Variants in PTPRG observed in about 807,000 individuals in gnomAD.
PTPRG encodes the protein protein tyrosine phosphatase receptor type G.
In PTPRG, 102 loss-of-function variants were observed where a neutral mutation model predicts 165.3. That is an observed-to-expected ratio of 0.62 (90% CI 0.53 to 0.73). PTPRG has a LOEUF of 0.73. PTPRG is among the 30% of genes least tolerant of loss of function. The probability of loss-of-function intolerance (pLI) is 0.00; values close to 1 mark genes in which losing one functional copy is unlikely to be tolerated. For synonymous variants in PTPRG, 675 were observed against 669.5 expected (o/e 1.01, Z -0.13); for missense variants, 1,866 against 1,861.4 (o/e 1.00, Z -0.05).
chr3:61,711,018 A>G (rs1023388816), intron 1 of PTPRG, among the ~76,000 whole-genome samples: 10 of 151,664 alleles, frequency 6.6e-5, no homozygotes, highest in Non-Finnish European at 1.2e-4. Flanking sequence ...CAGAACATGC[A>G]GTGTTTGGTT....
chr3:62,142,447 A>G (rs1264678176), intron 6 of PTPRG, among the ~76,000 whole-genome samples: 6 of 151,992 alleles, frequency 3.9e-5, no homozygotes. Context: ...CTTCAGGATC[A>G]TTTTTCAACA....
At chr3:61,923,627 G>A (rs950738951) in intron 2 of PTPRG, among the ~76,000 whole-genome samples, 8 of 136,448 alleles carry the variant, frequency 5.9e-5, no homozygotes, top group Admixed American at 2.5e-4. Context: ...TCATTGTTCA[G>A]TTCCCACCTA....
chr3:61,563,923 C>G (rs1292979735), intron 1 of PTPRG, among the ~76,000 whole-genome samples: 1 of 152,164 alleles, frequency 6.6e-6, no homozygotes, highest in Admixed American at 6.5e-5. Context: ...TCTCTCTGCG[C>G]ATCCTCCTGC....
chr3:62,072,894 T>G (rs966376028), intron 4 of PTPRG, among the ~76,000 whole-genome samples: 3 of 152,246 alleles, frequency 2.0e-5, no homozygotes, highest in East Asian at 3.9e-4. Flanking sequence ...AACCAGGACT[T>G]AAATGGCCAA....
At chr3:62,118,080 G>A (rs1175068928) in intron 5 of PTPRG, among the ~76,000 whole-genome samples, 1 of 152,180 alleles carries the variant, frequency 6.6e-6, no homozygotes, top group African/African-American at 2.4e-5. Context: ...CCCTAAGAGG[G>A]AAGTATTATT....
chr3:61,651,882 C>CATGGTG (rs1208970570), intron 1 of PTPRG, among the ~76,000 whole-genome samples: 1 of 151,978 alleles, frequency 6.6e-6, no homozygotes, highest in Non-Finnish European at 1.5e-5. Flanking sequence ...TGGTGACACA[C>CATGGTG]ACCTGTAGTC....
At chr3:62,225,513 G>GT (rs994129894) in intron 13 of PTPRG, among the ~76,000 whole-genome samples, 3 of 149,904 alleles carry the variant, frequency 2.0e-5, no homozygotes, top group East Asian at 3.9e-4. Flanking sequence ...GATATTTTTA[G>GT]TTTTGTTTTT....
intron 1 of PTPRG, among the ~76,000 whole-genome samples, chr3:61,564,053 G>A (rs539481566): frequency 6.6e-6 from 1 of 152,170 alleles, no homozygotes; most frequent in Non-Finnish European, 1.5e-5. Flanking sequence ...AGGACACTGG[G>A]GCCTGGGGTT....
intron 2 of PTPRG, among the ~76,000 whole-genome samples, chr3:61,945,892 G>T (rs751089228): frequency 9.2e-5 from 14 of 152,176 alleles, no homozygotes; most frequent in Non-Finnish European, 1.5e-4. Flanking sequence ...TGAGAAAAAC[G>T]AAACACAGAG....
chr3:61,566,273 G>A (rs1266877500), intron 1 of PTPRG, among the ~76,000 whole-genome samples: 1 of 151,958 alleles, frequency 6.6e-6, no homozygotes, highest in Non-Finnish European at 1.5e-5. Context: ...TTATGTTGTT[G>A]TTTACATGAA....
chr3:62,160,885 T>TTTTTTTTTG (rs1452272876), intron 7 of PTPRG, among the ~76,000 whole-genome samples: 2 of 144,608 alleles, frequency 1.4e-5, no homozygotes, highest in African/African-American at 2.6e-5. Flanking sequence ...TTTTTTTTTT[T>TTTTTTTTTG]TTTCTGACAG....
intron 6 of PTPRG, among the ~76,000 whole-genome samples, chr3:62,151,132 C>A (rs1704320127): frequency 6.6e-6 from 1 of 152,144 alleles, no homozygotes. Context: ...TGCCTCCTTG[C>A]ACTGCTATCA....
At chr3:62,094,226 C>T (rs1202117150) in intron 5 of PTPRG, among the ~76,000 whole-genome samples, 1 of 152,174 alleles carries the variant, frequency 6.6e-6, no homozygotes, top group Non-Finnish European at 1.5e-5. Context: ...ATTAGGCTGC[C>T]TCCTACCCTC....
intron 5 of PTPRG, among the ~76,000 whole-genome samples, chr3:62,121,538 C>T (rs1400995232): frequency 6.6e-6 from 1 of 152,166 alleles, no homozygotes; most frequent in African/African-American, 2.4e-5. Flanking sequence ...CTACACTAGT[C>T]TTAGGTACCC....
intron 28 of PTPRG, among the ~76,000 whole-genome samples, chr3:62,292,050 T>C (rs915639809): frequency 5.3e-4 from 80 of 152,200 alleles, no homozygotes; most frequent in Non-Finnish European, 3.5e-4. Flanking sequence ...CCTTCATCAC[T>C]GGCTGCTTGT....
At position 61,942,559 on chromosome 3, in the gene PTPRG, T is replaced by C. The variant is rs1454554812; in HGVS notation, c.191-47066T>C. On this transcript the variant is annotated intron_variant, in intron 2 of 29. Transcript: ENST00000474889. ...AGGCACATTTGCATATCTTATTTAA[T>C]TCTCCTAACCGTTATTTGAGATAGT... is the stretch of plus-strand genomic sequence containing the variant. Among the ~76,000 whole-genome samples the C allele has an allele frequency of 2.6e-5, 4 of 152,366 alleles. No homozygotes were observed. In the South Asian group the frequency reaches 8.3e-4, roughly 32 times the overall value.
chr3:62,258,347 T>A (rs972284491), intron 16 of PTPRG, among the ~76,000 whole-genome samples: 1 of 152,130 alleles, frequency 6.6e-6, no homozygotes, highest in African/African-American at 2.4e-5. Context: ...GATACAAATA[T>A]GAATTAGAGT....
intron 2 of PTPRG, among the ~76,000 whole-genome samples, chr3:61,866,109 T>C (rs2037399615): frequency 6.6e-6 from 1 of 152,188 alleles, no homozygotes; most frequent in Admixed American, 6.5e-5. Context: ...CTGTGCCTGC[T>C]CATATGTGAT....
intron 1 of PTPRG, among the ~76,000 whole-genome samples, chr3:61,673,628 A>G (rs1703111123): frequency 6.6e-6 from 1 of 152,190 alleles, no homozygotes; most frequent in African/African-American, 2.4e-5. Context: ...ATGCAAGTAC[A>G]AGTGCAATTG....
Sources: gnomAD v4.1 joint callset for allele counts (sites outside exome capture counted in the v4.1 genomes callset) on GRCh38, gnomAD v4.1.1 for gene constraint, MANE v1.5 for transcripts, NCBI Gene and HGNC (gene_info 2026-07-23, HGNC 2026-07-21) for gene names.